Variants in STOX1 observed in about 807,000 individuals in gnomAD.
STOX1 encodes storkhead-box protein 1.
STOX1 carries 57 observed loss-of-function variants against 74.8 expected under a neutral mutation model. That is an observed-to-expected ratio of 0.76 (90% confidence interval 0.62 to 0.95). The LOEUF is 0.95. Among genes scored for constraint, STOX1 ranks in the 40% least tolerant of loss-of-function variants. The probability of loss-of-function intolerance (pLI) is 0.00; values close to 1 mark genes in which losing one functional copy is unlikely to be tolerated. For synonymous variants in STOX1, 375 were observed against 401.3 expected, an observed-to-expected ratio of 0.93 and a Z score of 0.78; for missense variants, 1,010 against 1,117.0, an observed-to-expected ratio of 0.90 and a Z score of 1.37.
intron 1 of STOX1, among the ~76,000 whole-genome samples, chr10:68,838,410 A>C (rs936550905): frequency 1.3e-5 from 2 of 152,150 alleles, no homozygotes; most frequent in Non-Finnish European, 2.9e-5. Flanking sequence ...ATAGAAATGC[A>C]ACTGATTTTA....
At chr10:68,836,244 C>T (rs984499782) in intron 1 of STOX1, among the ~76,000 whole-genome samples, 118 of 152,330 alleles carry the variant, frequency 7.7e-4, no homozygotes, top group African/African-American at 2.7e-3. Context: ...CTCTCAGCTC[C>T]ATTGTCTACA....
chr10:68,871,569 A>G (rs1348426236), intron 1 of STOX1, among the ~76,000 whole-genome samples: 5 of 152,182 alleles, frequency 3.3e-5, no homozygotes, highest in Non-Finnish European at 7.3e-5. Context: ...AAACATTACC[A>G]TGCTTGAGAA....
intron 1 of STOX1, among the ~76,000 whole-genome samples, chr10:68,866,670 C>T (rs905395784): frequency 6.6e-6 from 1 of 152,216 alleles, no homozygotes; most frequent in South Asian, 2.1e-4. Flanking sequence ...CAGAAGTAGT[C>T]CTACCGTTCC....
At chr10:68,872,466 C>A (rs1840560604) in intron 1 of STOX1, among the ~76,000 whole-genome samples, 1 of 151,384 alleles carries the variant, frequency 6.6e-6, no homozygotes, top group Non-Finnish European at 1.5e-5. Flanking sequence ...CTGCTTCAGC[C>A]TCCAGTGTGG....
chr10:68,870,917 T>G (rs1840521834), intron 1 of STOX1, among the ~76,000 whole-genome samples: 1 of 152,166 alleles, frequency 6.6e-6, no homozygotes. Context: ...AGCACTTTGG[T>G]TTTGGCTCTG....
At position 68,884,362 on chromosome 10, in the gene STOX1, C is replaced by T. The variant is rs1326177304; in HGVS notation, c.566C>T (p.Pro189Leu). 2 of 1,614,114 alleles carry T rather than the reference C, an allele frequency of 1.2e-6. No homozygotes were observed. Among genetic ancestry groups the T allele is most frequent in the Non-Finnish European group, 1.7e-6 (2 of 1,180,014 alleles). ...GGAGAAGGATACTTCATAGTTACTC[C>T]TCAGACTTACTTCATTACAAATACA... ...HTGEGYFIVT[P>L]QTYFITNTTT... The change falls in exon 3 of 4, where the codon CCT (proline) becomes CTT (leucine). Residue 189 changes from proline (P) to leucine (L), a missense_variant. By Grantham distance (98) the Pro-to-Leu change is moderately conservative. Coordinates refer to ENST00000298596, the MANE Select transcript of STOX1 (RefSeq NM_152709.5).
intron 1 of STOX1, among the ~76,000 whole-genome samples, chr10:68,869,013 C>G (rs1394180498): frequency 1.3e-5 from 2 of 152,218 alleles, no homozygotes; most frequent in Non-Finnish European, 2.9e-5. Flanking sequence ...GTCTACCTGA[C>G]CAACTCCACT....
At chr10:68,867,815 C>G (rs1259609191) in intron 1 of STOX1, among the ~76,000 whole-genome samples, 3 of 152,266 alleles carry the variant, frequency 2.0e-5, no homozygotes, top group Admixed American at 2.0e-4. Context: ...TTCTTCCAGA[C>G]CTCTACATCC....
Position 68,886,140 on chromosome 10 carries a change from T to G in STOX1, c.2344T>G (p.Tyr782Asp). 1 of 1,614,146 alleles carries G rather than the reference T, an allele frequency of 6.2e-7. No homozygotes were observed. Among genetic ancestry groups the G allele is most frequent in the Non-Finnish European group, 8.5e-7 (1 of 1,180,024 alleles). The change falls in exon 3 of 4, where the codon TAC becomes GAC. Residue 782 changes from tyrosine to aspartate, a missense_variant. By Grantham distance (160) the Tyr-to-Asp change is radical. Coordinates refer to ENST00000298596, the MANE Select transcript of STOX1 (RefSeq NM_152709.5). ...QKVIERSLTE[Y>D]NSTMERVESQ... ...AGTGATTGAGAGATCTCTGACCGAG[T>G]ACAACAGCACAATGGAGAGGGTTGA...
At chr10:68,837,285 C>T (rs768914723) in intron 1 of STOX1, among the ~76,000 whole-genome samples, 2 of 152,290 alleles carry the variant, frequency 1.3e-5, no homozygotes, top group African/African-American at 2.4e-5. Flanking sequence ...TAGATGTTAG[C>T]GTAGTGAGAA....
At position 68,853,758 on chromosome 10, in the gene STOX1, T is replaced by A. The variant is rs189552899; in HGVS notation, c.310+25825T>A. On this transcript the variant is annotated intron_variant, in intron 1 of 3. Coordinates refer to ENST00000298596, the MANE Select transcript of STOX1 (RefSeq NM_152709.5). ...TGGAGTGCAATGGCATGATCTCGGC[T>A]CACTGCAACCTCCGCCTCCTGGGTT... Among the ~76,000 whole-genome samples the A allele has an allele frequency of 2.0e-5, 3 of 152,066 alleles. No individual in the cohort carries two copies. In the East Asian group the frequency reaches 5.8e-4, roughly 29 times the overall value.
chr10:68,864,677 G>A (rs1840358926), intron 1 of STOX1, among the ~76,000 whole-genome samples: 1 of 152,202 alleles, frequency 6.6e-6, no homozygotes, highest in African/African-American at 2.4e-5. Flanking sequence ...GTAGGTGAAT[G>A]ATAAGTTGGA....
intron 1 of STOX1, among the ~76,000 whole-genome samples, chr10:68,849,819 G>C (rs191289184): frequency 6.6e-6 from 1 of 152,142 alleles, no homozygotes; most frequent in Non-Finnish European, 1.5e-5. Flanking sequence ...AGGAGTTTTT[G>C]TGTTTATTGA....
intron 1 of STOX1, among the ~76,000 whole-genome samples, chr10:68,873,664 T>TC (rs1489575526): frequency 2.9e-4 from 41 of 139,814 alleles, no homozygotes; most frequent in South Asian, 4.7e-4. Context: ...TTTTTTTTTT[T>TC]TCTTTTTTTT....
downstream of STOX1, among the ~76,000 whole-genome samples, chr10:68,894,416 G>A (rs951816351): frequency 5.3e-5 from 8 of 152,078 alleles, no homozygotes; most frequent in Admixed American, 2.6e-4. Flanking sequence ...AGAGAAGCCC[G>A]GCACTGGAGA....
chr10:68,874,012 C>CTTTTTTTTTT (rs1840613803), intron 1 of STOX1, among the ~76,000 whole-genome samples: 1 of 11,376 alleles, frequency 8.8e-5, no homozygotes, highest in African/African-American at 5.3e-4. Flanking sequence ...AGCTAGGTAG[C>CTTTTTTTTTT]CTTTTTTTTT....
At chr10:68,884,071 A>C in intron 2 of STOX1, among the ~76,000 whole-genome samples, 189 bp from the exon 3 acceptor site, 1 of 152,178 alleles carries the variant, frequency 6.6e-6, no homozygotes, top group East Asian at 1.9e-4. Flanking sequence ...CTCCTGCCTC[A>C]GCCTCCCAAA....
chr10:68,872,342 C>CTTTTTTTT (rs72451894), intron 1 of STOX1, among the ~76,000 whole-genome samples: 42 of 89,314 alleles, frequency 4.7e-4, no homozygotes, highest in African/African-American at 1.3e-3. Context: ...TTTTTCTTTT[C>CTTTTTTTT]TTTTTTTTTT....
intron 3 of STOX1, among the ~76,000 whole-genome samples, chr10:68,887,880 C>T (rs1841002507): frequency 6.6e-6 from 1 of 152,108 alleles, no homozygotes; most frequent in Admixed American, 6.5e-5. Flanking sequence ...CAGGCGTGAG[C>T]TGCCATGCCC....
Sources: gnomAD v4.1 joint callset for allele counts (sites outside exome capture counted in the v4.1 genomes callset) on GRCh38, gnomAD v4.1.1 for gene constraint, MANE v1.5 for transcripts, NCBI Gene and HGNC (gene_info 2026-07-23, HGNC 2026-07-21) for gene names.